Variants in HECW1 observed in about 807,000 individuals in gnomAD.
The protein encoded by HECW1 is E3 ubiquitin-protein ligase HECW1.
A neutral mutation model predicts 182.3 loss-of-function variants in HECW1; 61 were observed. That is an observed-to-expected ratio of 0.33 (90% CI 0.27 to 0.41). The LOEUF (loss-of-function observed/expected upper bound fraction) is 0.41. Ranked by LOEUF, HECW1 falls within the 10% of genes least tolerant of loss-of-function variation. The pLI is 1.00. For missense variants in HECW1, 1,739 were observed against 2,108.9 expected (o/e 0.82, Z 3.44); for synonymous variants, 859 against 832.6 (o/e 1.03, Z -0.55).
At chr7:43,550,675 C>CCTGG in intron 27 of HECW1, 84 bp downstream of exon 27, 2 of 1,361,810 alleles carry the variant, frequency 1.5e-6, no homozygotes, top group African/African-American at 1.4e-5. Context: ...CCTGAGGGAG[C>CCTGG]AGCAGCTCAG....
chr7:43,504,380 G>T (rs892072744), intron 21 of HECW1, among the ~76,000 whole-genome samples: 2 of 151,982 alleles, frequency 1.3e-5, no homozygotes, highest in African/African-American at 4.8e-5. Context: ...CCACCCTTTG[G>T]CCTCATCAAG....
rs113072751 is a variant in HECW1 at position 43,283,703 on chromosome 7, A to G, written c.28-28060A>G. On this transcript the variant is annotated intron_variant, in intron 3 of 29. Transcript: ENST00000395891. Reference sequence around the variant, plus strand: ...AGATATATCGATGTAAGAGTAACATATATTGTTCAATATTGCAAAACGTCC... The same window carrying G: ...AGATATATCGATGTAAGAGTAACATGTATTGTTCAATATTGCAAAACGTCC... Among the ~76,000 whole-genome samples, 496 of 152,308 alleles carry G rather than the reference A, an allele frequency of 3.3e-3. 2 individuals are homozygous for G. The highest frequency in any genetic ancestry group is 0.011 in the African/African-American group (464 of 41,564).
chr7:43,395,962 T>C (rs1584758569), intron 6 of HECW1, among the ~76,000 whole-genome samples: 1 of 152,200 alleles, frequency 6.6e-6, no homozygotes, highest in Non-Finnish European at 1.5e-5. Context: ...ATATTTTCAT[T>C]TTTCTCTTCC....
chr7:43,497,633 A>G (rs1178874655), intron 19 of HECW1, among the ~76,000 whole-genome samples: 1 of 152,170 alleles, frequency 6.6e-6, no homozygotes, highest in East Asian at 1.9e-4. Flanking sequence ...TATTATATTC[A>G]TCCATGATGA....
chr7:43,441,241 G>A (rs1482856245), intron 9 of HECW1, among the ~76,000 whole-genome samples: 2 of 152,162 alleles, frequency 1.3e-5, no homozygotes. Flanking sequence ...CTTTGAGGGG[G>A]TGGAGGGGAT....
chr7:43,221,640 G>A (rs1467069043), intron 2 of HECW1, among the ~76,000 whole-genome samples: 3 of 125,288 alleles, frequency 2.4e-5, no homozygotes, highest in Admixed American at 1.1e-4. Context: ...TGCAAGCTCC[G>A]CCTCCTGGAT....
In HECW1 at chr7:43,270,695, G is replaced by C. The variant is rs78303700; in HGVS notation, c.27+26763G>C. 9.5e-3 allele frequency among the ~76,000 whole-genome samples: 1,453 copies of C among 152,196 alleles called. 31 individuals are homozygous for C. Among genetic ancestry groups the C allele is most frequent in the African/African-American group, 0.033 (1,370 of 41,508 alleles). ...CAAGGTATTAGAAAAAATCAATATA[G>C]CATTTGCAGATGTTTAATTATTGAA... is the stretch of plus-strand genomic sequence containing the variant. On this transcript the variant is annotated intron_variant, in intron 3 of 29. Transcript: ENST00000395891.
intron 26 of HECW1, among the ~76,000 whole-genome samples, chr7:43,546,219 C>CTTTTTTTTT (rs34255651): frequency 3.3e-5 from 3 of 91,874 alleles, no homozygotes; most frequent in African/African-American, 4.2e-5. Context: ...TACCCCCAAC[C>CTTTTTTTTT]TTTTTTTTTT....
intron 17 of HECW1, among the ~76,000 whole-genome samples, chr7:43,486,285 G>T (rs1432017137): frequency 6.6e-6 from 1 of 151,846 alleles, no homozygotes; most frequent in African/African-American, 2.4e-5. Flanking sequence ...CATTTGGGTT[G>T]GTTCGATTTT....
intron 28 of HECW1, among the ~76,000 whole-genome samples, chr7:43,553,977 C>T (rs1184381137): frequency 7.2e-5 from 11 of 152,184 alleles, no homozygotes; most frequent in African/African-American, 2.2e-4. Context: ...CAGTCAATGG[C>T]AAATCGTTTA....
chr7:43,282,093 C>T (rs1324487963), intron 3 of HECW1, among the ~76,000 whole-genome samples: 1 of 152,194 alleles, frequency 6.6e-6, no homozygotes, highest in African/African-American at 2.4e-5. Flanking sequence ...ATTTCTACTG[C>T]TAGATTGAAG....
chr7:43,368,449 G>A (rs1019566918), intron 6 of HECW1, among the ~76,000 whole-genome samples: 1 of 152,168 alleles, frequency 6.6e-6, no homozygotes, highest in African/African-American at 2.4e-5. Flanking sequence ...TTCAGGTTTT[G>A]ATCAGACTAA....
chr7:43,477,466 A>C (rs1346353376), intron 16 of HECW1, among the ~76,000 whole-genome samples: 1 of 152,220 alleles, frequency 6.6e-6, no homozygotes, highest in African/African-American at 2.4e-5. Flanking sequence ...GTGTTTAAAA[A>C]GCATGTTGAT....
intron 5 of HECW1, among the ~76,000 whole-genome samples, chr7:43,328,120 C>T (rs983011736): frequency 6.6e-6 from 1 of 151,682 alleles, no homozygotes; most frequent in African/African-American, 2.4e-5. Context: ...GAGCTCAAGA[C>T]CAGCCTGGGC....
Position 43,243,997 on chromosome 7 carries a change from A to G in HECW1, c.27+65A>G. ...ATTCCATTATAAACCCACTCCACTC[A>G]TAATGGAATGTGCCTCAGCCTAGGG... On this transcript the variant is annotated intron_variant, in intron 3 of 29. Transcript: ENST00000395891. The surrounding 1 kb of genome is among the most constrained non-coding windows in gnomAD (Gnocchi z 4.0). 7.9e-7 allele frequency: 1 copy of G among 1,270,438 alleles called. No homozygotes were observed. The highest frequency in any genetic ancestry group is 1.5e-5 in the African/African-American group (1 of 68,424). The allele number at this position is 1,270,438 out of a possible 1,614,324, so 78.7% of individuals were successfully genotyped here. A position where few individuals can be genotyped will look rare whatever the true frequency, so the allele number is the denominator to read the frequency against.
Position 43,469,005 on chromosome 7 carries a change from A to G in HECW1, c.2999A>G (p.Tyr1000Cys), listed in dbSNP as rs766449925. 3.7e-6 allele frequency: 6 copies of G among 1,614,190 alleles called. No individual in the cohort carries two copies. The Admixed American group carries it at 1.0e-4, about 27-fold the overall frequency. Residue 1000 changes from tyrosine (Y) to cysteine (C), a missense_variant, in exon 16 of 30, where the codon TAC becomes TGC. Physicochemically the swap from Tyr to Cys is radical, Grantham distance 194. Coordinates refer to ENST00000395891, the MANE Select transcript of HECW1 (RefSeq NM_015052.5). The part of the protein sequence containing the change: ...VRRDARNFER[Y>C]QHNRDLVNFI... ...CGGGATGCTCGCAATTTTGAACGCT[A>G]CCAGCACAACCGGGACTTGGTGAAT...
chr7:43,266,522 G>C (rs755146288), intron 3 of HECW1, among the ~76,000 whole-genome samples: 3 of 152,040 alleles, frequency 2.0e-5, no homozygotes, highest in Non-Finnish European at 4.4e-5. Flanking sequence ...TTTTAATAGA[G>C]ACGGAGTTTC....
At chr7:43,382,406 A>G (rs998275015) in intron 6 of HECW1, among the ~76,000 whole-genome samples, 22 of 152,238 alleles carry the variant, frequency 1.4e-4, no homozygotes, top group Admixed American at 5.2e-4. Flanking sequence ...GTAACTACCC[A>G]GTAAAAGTTA....
chr7:43,156,117 G>GT (rs1789853919), intron 2 of HECW1, among the ~76,000 whole-genome samples: 1 of 152,198 alleles, frequency 6.6e-6, no homozygotes, highest in African/African-American at 2.4e-5. Flanking sequence ...ATAATTGGAA[G>GT]TTTTTTAAAA....
Sources: gnomAD v4.1 joint callset for allele counts (sites outside exome capture counted in the v4.1 genomes callset) on GRCh38, gnomAD v4.1.1 for gene constraint, Gnocchi (gnomAD v3.1) non-coding constraint, MANE v1.5 for transcripts, NCBI Gene and HGNC (gene_info 2026-07-23, HGNC 2026-07-21) for gene names.